Variants in P4HA3 observed in about 807,000 individuals in gnomAD.
P4HA3 encodes prolyl 4-hydroxylase subunit alpha 3.
Under a neutral mutation model 66.7 loss-of-function variants are expected in P4HA3, and 60 were observed. The ratio of observed to expected loss-of-function variants is 0.90; its 90% CI spans 0.73 to 1.12. The LOEUF (loss-of-function observed/expected upper bound fraction) is 1.12, where lower values mean the gene tolerates loss of function less well. Ranked by LOEUF, P4HA3 falls within the 50% of genes most tolerant of loss-of-function variation. The pLI, the probability that P4HA3 is intolerant of heterozygous loss-of-function variation, is 0.00. For synonymous variants in P4HA3, 263 were observed against 274.6 expected (o/e 0.96, Z 0.42); for missense variants, 683 against 685.8 (o/e 1.00, Z 0.05).
chr11:74,301,004 G>A (rs554432680), intron 3 of P4HA3, among the ~76,000 whole-genome samples: 6 of 152,252 alleles, frequency 3.9e-5, no homozygotes, highest in Non-Finnish European at 7.4e-5. Context: ...TGTGCTGAAT[G>A]AAAGAAGCTG....
At position 74,269,693 on chromosome 11, in the gene P4HA3, TG is replaced by T; in HGVS notation, c.1425del (p.Thr476GlnfsTer132). 5 of 1,614,060 alleles carry T rather than the reference TG, an allele frequency of 3.1e-6. No individual in the cohort carries two copies. The highest frequency in any genetic ancestry group is 4.2e-6 in the Non-Finnish European group (5 of 1,179,952). The stretch of plus-strand genomic sequence containing the variant: ...CTGAGGTTGGCATAGATGAAGGCTG[TG>T]GCTCCTCCAGCTTCCACCGAGCTCA... Reference protein sequence around the residue: ...IYLSSVEAGGATAFIYANLSV... With the variant: ...IYLSSVEAGGXTAFIYANLSV... On this transcript the variant is annotated frameshift_variant, in exon 11 of 13. Transcript: ENST00000331597. LOFTEE classifies it high-confidence loss of function.
chr11:74,274,408 C>T (rs1284473764), intron 9 of P4HA3, among the ~76,000 whole-genome samples: 4 of 151,450 alleles, frequency 2.6e-5, no homozygotes, highest in African/African-American at 9.7e-5. Context: ...CAGGTTCATG[C>T]CATTCTCCTG....
intron 15 of P4HA3, among the ~76,000 whole-genome samples, chr11:74,257,105 G>A (rs996350088): frequency 2.6e-5 from 4 of 152,118 alleles, no homozygotes; most frequent in African/African-American, 9.7e-5. Context: ...AACAGGCCAG[G>A]AATGGTTTCA....
chr11:74,251,834 C>T (rs749030669), intron 15 of P4HA3: 7 of 1,226,016 alleles, frequency 5.7e-6, no homozygotes, highest in South Asian at 3.6e-5. Flanking sequence ...CCATGCCTTT[C>T]TTCCTCCTCC....
intron 7 of P4HA3, among the ~76,000 whole-genome samples, chr11:74,284,783 T>C (rs964247994): frequency 1.3e-5 from 2 of 152,032 alleles, no homozygotes; most frequent in African/African-American, 4.8e-5. Context: ...TGGGCTCACA[T>C]GGTAGTGGCT....
At chr11:74,296,041 T>C (rs1390591644) in intron 4 of P4HA3, among the ~76,000 whole-genome samples, 2 of 152,234 alleles carry the variant, frequency 1.3e-5, no homozygotes, top group Non-Finnish European at 2.9e-5. Flanking sequence ...TGGAAATAGG[T>C]ACACTAAGGA....
intron 3 of P4HA3, 100 bp from the exon 4 acceptor site, chr11:74,298,461 C>A (rs1591130359): frequency 7.2e-7 from 1 of 1,385,758 alleles, no homozygotes; most frequent in East Asian, 2.3e-5. Context: ...TCCAAGAAGG[C>A]AGGTTTTAAT....
intron 4 of P4HA3, among the ~76,000 whole-genome samples, chr11:74,294,278 G>A (rs1861138581): frequency 6.6e-6 from 1 of 152,186 alleles, no homozygotes; most frequent in African/African-American, 2.4e-5. Context: ...TAGCTCTCGT[G>A]CCTTGGTTTT....
intron 9 of P4HA3, among the ~76,000 whole-genome samples, chr11:74,275,982 GAAAT>G: frequency 6.6e-6 from 1 of 152,170 alleles, no homozygotes; most frequent in East Asian, 1.9e-4. Context: ...TAAAAAGAAT[GAAAT>G]AATTTCCTCT....
At chr11:74,279,483 G>A in intron 7 of P4HA3, 31 bp from the exon 8 acceptor site, 1 of 1,609,354 alleles carries the variant, frequency 6.2e-7, no homozygotes, top group Non-Finnish European at 8.5e-7. Context: ...CAAAGTCCAA[G>A]TGGTTATGAT....
chr11:74,253,492 T>C, intron 15 of P4HA3: 2 of 1,607,730 alleles, frequency 1.2e-6, no homozygotes, highest in Non-Finnish European at 1.7e-6. Context: ...TCTTCCACAG[T>C]GTGTTTCCTG....
rs150311713 is a variant in P4HA3 at position 74,270,182 on chromosome 11, G to T, written c.1399-462C>A. ...CTTTATTTTATTCTATTCTAGTGTG[G>T]TTCTCTTAAATGCTCATCAGAACCA... On this transcript the variant is annotated intron_variant, in intron 10 of 12. Coordinates refer to ENST00000331597, the MANE Select transcript of P4HA3 (RefSeq NM_182904.5). Among the ~76,000 whole-genome samples the T allele has an allele frequency of 6.8e-4, 104 of 152,166 alleles. 1 individual carries two copies. The highest frequency in any genetic ancestry group is 2.3e-3 in the African/African-American group (97 of 41,512).
At chr11:74,295,880 C>T (rs7951617) in intron 4 of P4HA3, among the ~76,000 whole-genome samples, 23,554 of 152,130 alleles carry the variant, frequency 0.15, 2,122 homozygotes, top group East Asian at 0.3. Context: ...CAAATATTAA[C>T]TCAAGGTCAT....
intron 5 of P4HA3, among the ~76,000 whole-genome samples, chr11:74,288,508 A>G (rs1259270265): frequency 6.6e-6 from 1 of 152,204 alleles, no homozygotes; most frequent in Non-Finnish European, 1.5e-5. Flanking sequence ...CAACACTAAT[A>G]TATCATTGAT....
intron 15 of P4HA3, chr11:74,255,895 T>C (rs549543746): frequency 3.7e-5 from 19 of 513,014 alleles, no homozygotes; most frequent in East Asian, 5.5e-5. Flanking sequence ...AAGTTCCTTA[T>C]GTGTGGTTTG....
At chr11:74,309,160 G>A (rs1003541603) in intron 1 of P4HA3, among the ~76,000 whole-genome samples, 1 of 152,182 alleles carries the variant, frequency 6.6e-6, no homozygotes, top group Non-Finnish European at 1.5e-5. Flanking sequence ...TCCTAGTCCT[G>A]GATTTGCTAC....
At position 74,282,898 on chromosome 11, in the gene P4HA3, A is replaced by G. The variant is rs17132902; in HGVS notation, c.1110+2911T>C. ...TATATGGCTCCAAAAAGTGCTCTGA[A>G]AAAGAACCAAAGGAGGCCAGAATGA... On this transcript the variant is annotated intron_variant, in intron 7 of 12. Transcript: ENST00000331597. Among the ~76,000 whole-genome samples, 1,155 of 152,322 alleles carry G rather than the reference A, an allele frequency of 7.6e-3. 11 individuals are homozygous for G. Among genetic ancestry groups the G allele is most frequent in the East Asian group, 0.039 (201 of 5,176 alleles).
At chr11:74,276,712 TA>T (rs1860409940) in intron 9 of P4HA3, among the ~76,000 whole-genome samples, 1 of 152,164 alleles carries the variant, frequency 6.6e-6, no homozygotes, top group Admixed American at 6.6e-5. Context: ...CAATCCTCAC[TA>T]GGAAGTCCCT....
At chr11:74,280,750 G>C (rs1860564358) in intron 7 of P4HA3, among the ~76,000 whole-genome samples, 1 of 152,068 alleles carries the variant, frequency 6.6e-6, no homozygotes, top group African/African-American at 2.4e-5. Flanking sequence ...TTCACAGGCA[G>C]GCAGAGCAGT....
Sources: gnomAD v4.1 joint callset for allele counts (sites outside exome capture counted in the v4.1 genomes callset) on GRCh38, gnomAD v4.1.1 for gene constraint, MANE v1.5 for transcripts, NCBI Gene and HGNC (gene_info 2026-07-23, HGNC 2026-07-21) for gene names.